The following MCC variants were observed in gnomAD, a reference collection of about 807,000 sequenced individuals.
MCC encodes colorectal mutant cancer protein.
A neutral mutation model predicts 116.2 loss-of-function variants in MCC; 90 were observed. The observed-to-expected ratio is 0.77, with a 90% CI of 0.65 to 0.92. The LOEUF (loss-of-function observed/expected upper bound fraction) is 0.92. Among genes scored for constraint, MCC ranks in the 40% least tolerant of loss-of-function variants. MCC has a pLI of 0.00. For synonymous variants in MCC, 578 were observed against 510.5 expected, an observed-to-expected ratio of 1.13 and a Z score of -1.78; for missense variants, 1,516 against 1,312.2, an observed-to-expected ratio of 1.16 and a Z score of -2.40.
chr5:113,279,669 A>G (rs1340994516), intron 3 of MCC, among the ~76,000 whole-genome samples: 39 of 152,194 alleles, frequency 2.6e-4, no homozygotes, highest in Admixed American at 2.6e-3. Context: ...TTGGAAAGAA[A>G]CCTTGATAAG....
chr5:113,094,813 T>C (rs183865882), intron 8 of MCC, among the ~76,000 whole-genome samples: 4 of 152,280 alleles, frequency 2.6e-5, no homozygotes, highest in African/African-American at 9.6e-5. Context: ...GGCCTCCTCA[T>C]AGGCACATGA....
rs55754627 is a variant in MCC at position 113,249,285 on chromosome 5, A to G, written c.627+91234T>C. Among the ~76,000 whole-genome samples, 785 of 152,358 alleles carry G rather than the reference A, an allele frequency of 5.2e-3. 7 individuals carry two copies. Among genetic ancestry groups the G allele is most frequent in the African/African-American group, 0.018 (744 of 41,586 alleles). ...CCATTCTCCTTGAAAGATGCCAATC[A>G]CAACAGTATCAAGATCTGCTCAGAA... On this transcript the variant is annotated intron_variant, in intron 3 of 18. Coordinates refer to ENST00000408903, the MANE Select transcript of MCC (RefSeq NM_001085377.2).
At chr5:113,183,700 C>A (rs1581216993) in intron 3 of MCC, among the ~76,000 whole-genome samples, 1 of 152,138 alleles carries the variant, frequency 6.6e-6, no homozygotes, top group African/African-American at 2.4e-5. Context: ...ACCCAAACAG[C>A]CCATCTCAAG....
At chr5:113,226,887 A>G (rs566689315) in intron 3 of MCC, among the ~76,000 whole-genome samples, 1 of 152,338 alleles carries the variant, frequency 6.6e-6, no homozygotes, top group African/African-American at 2.4e-5. Context: ...AACCAGTTGA[A>G]TGATTTCAAC....
chr5:113,216,031 A>C (rs1662397547), intron 3 of MCC, among the ~76,000 whole-genome samples: 1 of 152,242 alleles, frequency 6.6e-6, no homozygotes, highest in Non-Finnish European at 1.5e-5. Flanking sequence ...AGAGGTCAGG[A>C]AACTATGGCC....
At chr5:113,476,400 G>T (rs1164782899) in intron 1 of MCC, among the ~76,000 whole-genome samples, 1 of 152,138 alleles carries the variant, frequency 6.6e-6, no homozygotes, top group Non-Finnish European at 1.5e-5. Context: ...TTACATTTAT[G>T]GTCTATTGAT....
At chr5:113,071,761 T>C (rs895445308) in intron 11 of MCC, among the ~76,000 whole-genome samples, 1 of 152,206 alleles carries the variant, frequency 6.6e-6, no homozygotes, top group East Asian at 1.9e-4. Flanking sequence ...TGCCCTGGGA[T>C]TTGAACCGGG....
chr5:113,249,641 T>G (rs1764717978), intron 3 of MCC, among the ~76,000 whole-genome samples: 1 of 152,202 alleles, frequency 6.6e-6, no homozygotes, highest in Admixed American at 6.5e-5. Flanking sequence ...TAAATCTGGC[T>G]GTCTCTGTAT....
intron 3 of MCC, among the ~76,000 whole-genome samples, chr5:113,196,338 T>C (rs140523401): frequency 0.016 from 2,478 of 152,152 alleles, 258 homozygotes; most frequent in Admixed American, 0.15. Flanking sequence ...CTGATGGAAG[T>C]GGGTGAAGTG....
chr5:113,068,058 G>A, intron 13 of MCC, 22 bp downstream of exon 13: 1 of 1,595,926 alleles, frequency 6.3e-7, no homozygotes, highest in Non-Finnish European at 8.6e-7. Context: ...AGAGGAGGAA[G>A]AGGGACTCTG....
intron 2 of MCC, among the ~76,000 whole-genome samples, chr5:113,345,968 C>A (rs1453370085): frequency 6.6e-6 from 1 of 152,084 alleles, no homozygotes; most frequent in Non-Finnish European, 1.5e-5. Flanking sequence ...TTTGAGGAAA[C>A]TCAAAGAAAT....
chr5:113,454,122 A>AG (rs977537329), intron 1 of MCC, among the ~76,000 whole-genome samples: 7 of 152,196 alleles, frequency 4.6e-5, no homozygotes, highest in African/African-American at 1.7e-4. Context: ...AAAAAAAAAA[A>AG]TTAAAGTAAT....
chr5:113,084,323 T>C (rs1027168718), intron 9 of MCC, 133 bp from the exon 10 acceptor site: 49 of 675,188 alleles, frequency 7.3e-5, no homozygotes, highest in Non-Finnish European at 1.5e-5. Context: ...ACAGCTCACG[T>C]CCAATTTTTC....
intron 16 of MCC, among the ~76,000 whole-genome samples, chr5:113,043,893 C>T (rs939060132): frequency 6.6e-6 from 1 of 152,250 alleles, no homozygotes; most frequent in Non-Finnish European, 1.5e-5. Flanking sequence ...TGATGCCAGG[C>T]ACTGGTCTAA....
chr5:113,112,417 C>G (rs7704382), intron 6 of MCC, among the ~76,000 whole-genome samples: 66,727 of 151,834 alleles, frequency 0.44, 14,892 homozygotes, highest in Middle Eastern at 0.47. Context: ...AGCACCTCCC[C>G]TTTCTCTCTT....
At chr5:113,256,142 G>T (rs932274241) in intron 3 of MCC, among the ~76,000 whole-genome samples, 1 of 152,070 alleles carries the variant, frequency 6.6e-6, no homozygotes, top group Non-Finnish European at 1.5e-5. Context: ...TAATTCAGAA[G>T]AAACCAGCAC....
chr5:113,282,749 A>G (rs1766098451), intron 3 of MCC, among the ~76,000 whole-genome samples: 1 of 152,172 alleles, frequency 6.6e-6, no homozygotes, highest in Non-Finnish European at 1.5e-5. Flanking sequence ...TACTTCATCA[A>G]AAGTGCTCCC....
At chr5:113,275,595 G>A (rs1765790815) in intron 3 of MCC, among the ~76,000 whole-genome samples, 1 of 152,134 alleles carries the variant, frequency 6.6e-6, no homozygotes, top group Non-Finnish European at 1.5e-5. Flanking sequence ...GCAGAGACAG[G>A]TATAGCCCGC....
In MCC at chr5:113,333,836, T is replaced by TACATATATGTATATATGTAC. The variant is rs372077130; in HGVS notation, c.627+6682_627+6683insGTACATATATACATATATGT. On this transcript the variant is annotated intron_variant, in intron 3 of 18. Coordinates refer to ENST00000408903, the MANE Select transcript of MCC (RefSeq NM_001085377.2). The stretch of plus-strand genomic sequence containing the variant: ...ATATATGTACATATATGTATATATG[T>TACATATATGTATATATGTAC]ATATATGTATATATGTACATATATG... 1.9e-4 allele frequency among the ~76,000 whole-genome samples: 11 copies of TACATATATGTATATATGTAC among 59,298 alleles called. 1 individual carries two copies. The highest frequency in any genetic ancestry group is 8.6e-4 in the Admixed American group (4 of 4,636). The allele number at this position is 59,298 out of a possible 152,430, so 38.9% of individuals were successfully genotyped here. A position where few individuals can be genotyped will look rare whatever the true frequency, so the allele number is the denominator to read the frequency against.
Sources: gnomAD v4.1 joint callset for allele counts (sites outside exome capture counted in the v4.1 genomes callset) on GRCh38, gnomAD v4.1.1 for gene constraint, MANE v1.5 for transcripts, NCBI Gene and HGNC (gene_info 2026-07-23, HGNC 2026-07-21) for gene names.